Variants in ZBBX observed in about 807,000 individuals in gnomAD.
ZBBX encodes zinc finger B-box domain containing.
In ZBBX, 101 loss-of-function variants were observed where a neutral mutation model predicts 108.5. That is an observed-to-expected ratio of 0.93 (90% CI 0.79 to 1.10). ZBBX has a LOEUF of 1.10. ZBBX is among the 50% of genes least tolerant of loss of function. The probability of loss-of-function intolerance (pLI) is 0.00; values close to 1 mark genes in which losing one functional copy is unlikely to be tolerated. For missense variants in ZBBX, 1,009 were observed against 941.4 expected, an observed-to-expected ratio of 1.07 and a Z score of -0.94; for synonymous variants, 356 against 323.4, an observed-to-expected ratio of 1.10 and a Z score of -1.08.
At chr3:167,181,868 TGGCAC>T in the ZBBX span, among the ~76,000 whole-genome samples, 1 of 152,212 alleles carries the variant, frequency 6.6e-6, no homozygotes, top group Admixed American at 6.5e-5. Context: ...AGACTCCTGT[TGGCAC>T]TTTTTGTAGG....
intron 20 of ZBBX, among the ~76,000 whole-genome samples, chr3:167,275,973 T>TG (rs1013961808): frequency 9.2e-5 from 14 of 152,178 alleles, no homozygotes; most frequent in Non-Finnish European, 2.9e-5. Context: ...CCCTGACCCC[T>TG]GACCCCCAAG....
intron 5 of ZBBX, among the ~76,000 whole-genome samples, chr3:167,367,910 A>G (rs994825768): frequency 2.7e-5 from 4 of 148,666 alleles, no homozygotes; most frequent in African/African-American, 9.8e-5. Flanking sequence ...GCTAACCAGC[A>G]TTTGCTAAAT....
intron 20 of ZBBX, among the ~76,000 whole-genome samples, chr3:167,251,369 T>A (rs1034855775): frequency 6.6e-6 from 1 of 152,134 alleles, no homozygotes; most frequent in Admixed American, 6.5e-5. Context: ...GATGGCAAAC[T>A]AAAACGGCAT....
At chr3:167,349,097 T>G (rs1018057523) in intron 9 of ZBBX, among the ~76,000 whole-genome samples, 2 of 152,012 alleles carry the variant, frequency 1.3e-5, no homozygotes, top group Admixed American at 6.6e-5. Context: ...ATCTTGAAGC[T>G]CAGATACTGA....
intron 20 of ZBBX, among the ~76,000 whole-genome samples, chr3:167,260,701 T>C (rs1724354923): frequency 6.6e-6 from 1 of 152,218 alleles, no homozygotes; most frequent in Non-Finnish European, 1.5e-5. Context: ...CTTTAAGCTA[T>C]CTACCTCCTT....
chr3:167,201,630 T>C, the ZBBX span, among the ~76,000 whole-genome samples: 1 of 152,124 alleles, frequency 6.6e-6, no homozygotes, highest in Non-Finnish European at 1.5e-5. Flanking sequence ...TAGAACTGGC[T>C]AACTTTTCAT....
At chr3:167,313,493 G>C (rs539449261) in intron 16 of ZBBX, among the ~76,000 whole-genome samples, 2 of 151,934 alleles carry the variant, frequency 1.3e-5, no homozygotes, top group South Asian at 2.1e-4. Context: ...ATGTTGGCCA[G>C]GCTGGTCTCA....
intron 20 of ZBBX, among the ~76,000 whole-genome samples, chr3:167,270,502 C>T (rs931670171): frequency 1.3e-5 from 2 of 152,142 alleles, no homozygotes; most frequent in African/African-American, 2.4e-5. Flanking sequence ...CTAGAAAAGC[C>T]CTTTCACCTT....
At chr3:167,251,955 C>CACACACACAT (rs1722701877) in intron 20 of ZBBX, among the ~76,000 whole-genome samples, 2 of 151,438 alleles carry the variant, frequency 1.3e-5, no homozygotes, top group African/African-American at 4.9e-5. Flanking sequence ...CACACACACA[C>CACACACACAT]ACACATCTGT....
chr3:167,352,286 G>C (rs139856008), intron 8 of ZBBX, among the ~76,000 whole-genome samples: 62 of 152,134 alleles, frequency 4.1e-4, no homozygotes, highest in Non-Finnish European at 6.5e-4. Context: ...CGCACAATAA[G>C]ATATGATAAA....
the ZBBX span, among the ~76,000 whole-genome samples, chr3:167,178,888 C>A: frequency 6.6e-6 from 1 of 152,126 alleles, no homozygotes; most frequent in Non-Finnish European, 1.5e-5. Flanking sequence ...TGTCTCCCCG[C>A]TTTTGCTTTT....
At chr3:167,191,896 CATAT>C in the ZBBX span, among the ~76,000 whole-genome samples, 1,050 of 67,914 alleles carry the variant, frequency 0.015, 40 homozygotes, top group South Asian at 0.075. Flanking sequence ...TTACAAAAAT[CATAT>C]ATATATATAT....
chr3:167,256,062 G>A (rs1307932921), intron 20 of ZBBX, among the ~76,000 whole-genome samples: 1 of 152,024 alleles, frequency 6.6e-6, no homozygotes, highest in Non-Finnish European at 1.5e-5. Flanking sequence ...TGCAAAGTTC[G>A]TCTTGCTGTG....
chr3:167,322,653 G>A (rs555088870), intron 11 of ZBBX, among the ~76,000 whole-genome samples: 1 of 151,994 alleles, frequency 6.6e-6, no homozygotes, highest in South Asian at 2.1e-4. Flanking sequence ...AATGACATCT[G>A]GAGGAGACAA....
At chr3:167,250,248 G>A (rs1213372699) in intron 20 of ZBBX, among the ~76,000 whole-genome samples, 1 of 152,134 alleles carries the variant, frequency 6.6e-6, no homozygotes, top group African/African-American at 2.4e-5. Context: ...GAGAGGAGAT[G>A]CAGGAAACAG....
At chr3:167,210,645 G>A in the ZBBX span, among the ~76,000 whole-genome samples, 1 of 152,020 alleles carries the variant, frequency 6.6e-6, no homozygotes, top group African/African-American at 2.4e-5. Context: ...ATTAAAGAAA[G>A]GATGTTAAAA....
chr3:167,254,550 T>C (rs1723140075), intron 20 of ZBBX, among the ~76,000 whole-genome samples: 1 of 152,056 alleles, frequency 6.6e-6, no homozygotes. Flanking sequence ...GAGATAATGA[T>C]AGCAAATACA....
the ZBBX span, among the ~76,000 whole-genome samples, chr3:167,183,564 C>T: frequency 6.6e-6 from 1 of 152,226 alleles, no homozygotes; most frequent in African/African-American, 2.4e-5. Flanking sequence ...GAGTTTTACC[C>T]ACATATTTAT....
chr3:167,217,705 A>G, the ZBBX span, among the ~76,000 whole-genome samples: 1 of 152,150 alleles, frequency 6.6e-6, no homozygotes, highest in African/African-American at 2.4e-5. Flanking sequence ...AAGACATAAA[A>G]TCAACCTAAA....
Sources: allele counts gnomAD v4.1 joint callset (sites outside exome capture counted in the v4.1 genomes callset), GRCh38; gene constraint gnomAD v4.1.1; transcripts MANE v1.5; gene names NCBI Gene and HGNC (gene_info 2026-07-23, HGNC 2026-07-21).